The following STAG1 variants were observed in gnomAD, a reference collection of about 807,000 sequenced individuals.
The protein encoded by STAG1 is STAG1 cohesin complex component.
STAG1 carries 26 observed loss-of-function variants against 170.9 expected under a neutral mutation model. That is an observed-to-expected ratio of 0.15 (90% confidence interval 0.11 to 0.21). The LOEUF is 0.21. STAG1 is among the 10% of genes least tolerant of loss of function. STAG1 has a pLI of 1.00. For missense variants in STAG1, 964 were observed against 1,509.5 expected (o/e 0.64, Z 5.99); for synonymous variants, 514 against 497.7 (o/e 1.03, Z -0.44).
Position 136,504,089 on chromosome 3 carries a change from T to TA in STAG1, c.677-1311dup, listed in dbSNP as rs368816141. Among the ~76,000 whole-genome samples, 538 of 152,334 alleles carry TA rather than the reference T, an allele frequency of 3.5e-3. 7 individuals are homozygous for TA. Among genetic ancestry groups the TA allele is most frequent in the African/African-American group, 0.012 (514 of 41,580 alleles). On this transcript the variant is annotated intron_variant, in intron 7 of 33. Coordinates refer to ENST00000383202, the MANE Select transcript of STAG1 (RefSeq NM_005862.3). ...ATATGTGTTTTCTAAATACATATAG[T>TA]ATGTATGTATGCTGTATCTGTATTT...
chr3:136,734,589 CA>C (rs1322426269), intron 1 of STAG1, among the ~76,000 whole-genome samples: 1 of 152,188 alleles, frequency 6.6e-6, no homozygotes, highest in Non-Finnish European at 1.5e-5. Context: ...CGTGGGGCAG[CA>C]GGGGGCACAC....
intron 22 of STAG1, among the ~76,000 whole-genome samples, chr3:136,394,192 C>T (rs1395896714): frequency 6.6e-6 from 1 of 152,206 alleles, no homozygotes; most frequent in Non-Finnish European, 1.5e-5. Context: ...AGGCATGAGC[C>T]ACTGCACCCA....
At chr3:136,434,701 G>T (rs2088404169) in intron 15 of STAG1, among the ~76,000 whole-genome samples, 1 of 152,062 alleles carries the variant, frequency 6.6e-6, no homozygotes, top group Non-Finnish European at 1.5e-5. Flanking sequence ...TGGCTTCCAG[G>T]TTTCTTGTAT....
chr3:136,595,539 A>G (rs1265750642), intron 4 of STAG1, among the ~76,000 whole-genome samples: 1 of 151,844 alleles, frequency 6.6e-6, no homozygotes, highest in South Asian at 2.1e-4. Context: ...TGAAAATACA[A>G]AACTGCGGGC....
intron 14 of STAG1, among the ~76,000 whole-genome samples, chr3:136,448,676 C>T (rs1048224866): frequency 3.3e-5 from 5 of 152,118 alleles, no homozygotes; most frequent in Admixed American, 1.3e-4. Context: ...CAGTGCTTCA[C>T]GCCTGTAATT....
intron 22 of STAG1, among the ~76,000 whole-genome samples, chr3:136,380,864 A>G (rs567118778): frequency 4.9e-4 from 74 of 151,852 alleles, no homozygotes; most frequent in Non-Finnish European, 3.2e-4. Context: ...TACTAAAAAT[A>G]CAAAAATGAG....
chr3:136,612,690 A>C (rs148411483), intron 3 of STAG1, among the ~76,000 whole-genome samples: 1 of 152,292 alleles, frequency 6.6e-6, no homozygotes, highest in East Asian at 1.9e-4. Context: ...TCTTAAAACA[A>C]AAACATTCAT....
At chr3:136,363,014 C>T (rs977273109) in intron 26 of STAG1, among the ~76,000 whole-genome samples, 3 of 152,072 alleles carry the variant, frequency 2.0e-5, no homozygotes, top group South Asian at 2.1e-4. Context: ...ATCTTATTTA[C>T]GCAACATGAA....
At chr3:136,497,385 G>A (rs1241367554) in intron 9 of STAG1, among the ~76,000 whole-genome samples, 7 of 151,176 alleles carry the variant, frequency 4.6e-5, no homozygotes, top group Admixed American at 3.3e-4. Context: ...AACATATCAT[G>A]ATAATGTGGG....
chr3:136,516,326 C>T lies in STAG1; in HGVS notation c.676+4887G>A, dbSNP rs528857599. On this transcript the variant is annotated intron_variant, in intron 7 of 33. Transcript: ENST00000383202. ...GAGTTCAAGGCCATGGGCAACATGG[C>T]GAAATCCCAACTCTACAAAAACTAC... 1.1e-4 allele frequency among the ~76,000 whole-genome samples: 16 copies of T among 151,942 alleles called. No homozygotes were observed. The South Asian group carries it at 2.7e-3, about 26-fold the overall frequency.
chr3:136,423,854 T>C (rs1379737120), intron 16 of STAG1, among the ~76,000 whole-genome samples: 1 of 143,852 alleles, frequency 7.0e-6, no homozygotes, highest in Non-Finnish European at 1.5e-5. Context: ...TTGTTCAGTC[T>C]TTTTTTTTTT....
At chr3:136,463,768 T>TGTACACAC (rs755853025) in intron 13 of STAG1, among the ~76,000 whole-genome samples, 12 of 38,590 alleles carry the variant, frequency 3.1e-4, no homozygotes, top group East Asian at 1.1e-3. Context: ...TGTGTGTGTG[T>TGTACACAC]ATACACACAC....
At chr3:136,558,022 AAG>A (rs1275076668) in intron 5 of STAG1, among the ~76,000 whole-genome samples, 6 of 152,226 alleles carry the variant, frequency 3.9e-5, no homozygotes, top group Non-Finnish European at 7.3e-5. Context: ...ATCAAAATAA[AAG>A]AGAAAAAGCA....
chr3:136,604,690 G>A (rs559477432), intron 3 of STAG1, among the ~76,000 whole-genome samples: 2 of 152,132 alleles, frequency 1.3e-5, no homozygotes, highest in African/African-American at 4.8e-5. Context: ...TTGCTCTGTC[G>A]CCCAGGATGG....
chr3:136,701,702 T>C (rs561352697), intron 1 of STAG1, among the ~76,000 whole-genome samples: 1 of 152,244 alleles, frequency 6.6e-6, no homozygotes, highest in South Asian at 2.1e-4. Flanking sequence ...ATCTAATAAA[T>C]CAGTATCCCT....
intron 6 of STAG1, among the ~76,000 whole-genome samples, chr3:136,533,178 G>C (rs1016340747): frequency 1.3e-5 from 2 of 151,962 alleles, no homozygotes; most frequent in Non-Finnish European, 2.9e-5. Context: ...AAAAATAAAA[G>C]ATCTAGAAAT....
At chr3:136,747,402 AC>A (rs1934998074) in intron 1 of STAG1, among the ~76,000 whole-genome samples, 1 of 152,150 alleles carries the variant, frequency 6.6e-6, no homozygotes, top group Non-Finnish European at 1.5e-5. Flanking sequence ...AAATTCCTTA[AC>A]TTCGGCCACA....
intron 1 of STAG1, among the ~76,000 whole-genome samples, chr3:136,731,277 T>C (rs979142019): frequency 2.0e-5 from 3 of 151,800 alleles, no homozygotes; most frequent in African/African-American, 4.8e-5. Flanking sequence ...ATGTTTATGA[T>C]ACAGTAATGC....
At chr3:136,462,707 G>C (rs932536698) in intron 13 of STAG1, among the ~76,000 whole-genome samples, 1 of 152,106 alleles carries the variant, frequency 6.6e-6, no homozygotes, top group African/African-American at 2.4e-5. Flanking sequence ...ACATATTTGA[G>C]GTGATGGATA....
Sources: allele counts gnomAD v4.1 joint callset (sites outside exome capture counted in the v4.1 genomes callset), GRCh38; gene constraint gnomAD v4.1.1; transcripts MANE v1.5; gene names NCBI Gene and HGNC (gene_info 2026-07-23, HGNC 2026-07-21).